The following CHD9 variants were observed in gnomAD, a reference collection of about 807,000 sequenced individuals.
The protein encoded by CHD9 is chromodomain helicase DNA binding protein 9.
CHD9 carries 77 observed loss-of-function variants against 316.1 expected under a neutral mutation model. The ratio of observed to expected loss-of-function variants is 0.24; its 90% CI spans 0.20 to 0.29. The LOEUF is 0.29. CHD9 is among the 10% of genes least tolerant of loss of function. The pLI is 1.00. For missense variants in CHD9, 2,763 were observed against 3,438.1 expected (o/e 0.80, Z 4.91); for synonymous variants, 1,129 against 1,158.3 (o/e 0.97, Z 0.51).
chr16:53,066,357 A>T (rs2033508208), intron 1 of CHD9, among the ~76,000 whole-genome samples: 1 of 152,202 alleles, frequency 6.6e-6, no homozygotes, highest in Admixed American at 6.5e-5. Flanking sequence ...AACATTGGTT[A>T]TGCTTAACTA....
rs78914148 is a variant in CHD9, at chr16:53,201,633, A to G, written c.1453-7849A>G. Among the ~76,000 whole-genome samples, 911 of 152,302 alleles carry G rather than the reference A, an allele frequency of 6.0e-3. 34 individuals carry two copies. In the East Asian group the frequency reaches 0.11, roughly 18 times the overall value. Reference sequence around the variant, plus strand: ...AAATTTTTAAATTTCTTTATTATATAGCATTTCAAGTGACACAGAAGTAGA... The same window carrying G: ...AAATTTTTAAATTTCTTTATTATATGGCATTTCAAGTGACACAGAAGTAGA... On this transcript the variant is annotated intron_variant, in intron 2 of 38. Coordinates refer to ENST00000447540, the MANE Select transcript of CHD9 (RefSeq NM_001308319.2).
intron 1 of CHD9, among the ~76,000 whole-genome samples, chr16:53,099,741 G>A (rs1440590155): frequency 6.6e-6 from 1 of 152,128 alleles, no homozygotes; most frequent in East Asian, 1.9e-4. Context: ...GCCCTTCCGA[G>A]AGCACCTTGA....
intron 27 of CHD9, among the ~76,000 whole-genome samples, chr16:53,288,903 T>G (rs2054106905): frequency 6.6e-6 from 1 of 151,692 alleles, no homozygotes; most frequent in Non-Finnish European, 1.5e-5. Flanking sequence ...GGATCAGTCC[T>G]TTACTGGTAA....
At chr16:53,260,146 GT>G (rs1194081301) in intron 19 of CHD9, among the ~76,000 whole-genome samples, 4 of 152,136 alleles carry the variant, frequency 2.6e-5, no homozygotes, top group Non-Finnish European at 5.9e-5. Flanking sequence ...TAGCTGTGTT[GT>G]TTTGTTTTAT....
intron 1 of CHD9, among the ~76,000 whole-genome samples, chr16:53,137,295 AAG>A (rs1157297751): frequency 6.6e-6 from 1 of 152,028 alleles, no homozygotes; most frequent in Non-Finnish European, 1.5e-5. Flanking sequence ...TCTATATAGG[AAG>A]AGTTTATTCA....
At chr16:53,180,733 C>T (rs1177442758) in intron 2 of CHD9, among the ~76,000 whole-genome samples, 2 of 151,490 alleles carry the variant, frequency 1.3e-5, no homozygotes, top group Non-Finnish European at 2.9e-5. Flanking sequence ...AGTGCAGTGG[C>T]GCGATCTCGG....
intron 19 of CHD9, among the ~76,000 whole-genome samples, chr16:53,256,524 T>G (rs1413539410): frequency 6.6e-6 from 1 of 151,270 alleles, no homozygotes; most frequent in Non-Finnish European, 1.5e-5. Flanking sequence ...GGTTTCGCCA[T>G]GTTAGCCAGT....
chr16:53,244,317 T>C (rs1018501820), intron 13 of CHD9, among the ~76,000 whole-genome samples: 1 of 151,470 alleles, frequency 6.6e-6, no homozygotes, highest in Admixed American at 6.6e-5. Context: ...CTCAGCCTCC[T>C]GAGTAGCTGG....
chr16:53,174,192 G>A (rs577217130), intron 2 of CHD9, among the ~76,000 whole-genome samples: 1 of 152,310 alleles, frequency 6.6e-6, no homozygotes, highest in African/African-American at 2.4e-5. Flanking sequence ...GCTGAGGTGA[G>A]AGGATCACTT....
At position 53,071,899 on chromosome 16, in the gene CHD9, T is replaced by C. The variant is rs562187947; in HGVS notation, c.-165+16822T>C. 9.9e-5 allele frequency among the ~76,000 whole-genome samples: 15 copies of C among 152,282 alleles called. No homozygotes were observed. The South Asian group carries it at 3.1e-3, about 32-fold the overall frequency. On this transcript the variant is annotated intron_variant, in intron 1 of 38. Transcript: ENST00000447540. ...TCAACGGCAGGCCTTTCCTCTTCTG[T>C]CACTCAACGGTTTGGGGGCTTTCTT...
Position 53,219,246 on chromosome 16 carries a change from A to G in CHD9, c.1785-3398A>G, listed in dbSNP as rs115887308. Among the ~76,000 whole-genome samples the G allele has an allele frequency of 3.9e-3, 595 of 152,276 alleles. 4 individuals carry two copies. Among genetic ancestry groups the G allele is most frequent in the African/African-American group, 0.014 (577 of 41,556 alleles). ...ATTGGGTGCATATTGAGGTTGTGAT[A>G]CCTATGAGATACCCATATGTATATG... On this transcript the variant is annotated intron_variant, in intron 3 of 38. Coordinates refer to ENST00000447540, the MANE Select transcript of CHD9 (RefSeq NM_001308319.2).
intron 1 of CHD9, among the ~76,000 whole-genome samples, chr16:53,098,471 G>T (rs1348568134): frequency 8.6e-6 from 1 of 116,444 alleles, no homozygotes; most frequent in African/African-American, 3.0e-5. Flanking sequence ...GTGAGACTCC[G>T]TCTCAAAAAA....
chr16:53,157,419 C>A lies in CHD9; in HGVS notation c.1330C>A (p.Leu444Met), dbSNP rs773008370. The A allele has an allele frequency of 6.2e-7, 1 of 1,614,016 alleles. No individual in the cohort carries two copies. The highest frequency in any genetic ancestry group is 1.1e-5 in the South Asian group (1 of 91,088). Reference sequence around the variant, plus strand: ...CCTTGATCGGCAGTTTACTTCGCATCTGGTAACACGGCCTTCTGATATGGC... The same window carrying A: ...CCTTGATCGGCAGTTTACTTCGCATATGGTAACACGGCCTTCTGATATGGC... ...HDLDRQFTSH[L>M]VTRPSDMAQT... The change falls in exon 2 of 39, where the codon CTG becomes ATG. Residue 444 changes from leucine to methionine, a missense_variant. By Grantham distance (15) the Leu-to-Met change is conservative (BLOSUM62 2). Around this residue, in one of 15 missense-constraint regions of CHD9, gnomAD observed 859 missense variants for 890.4 expected, o/e 0.96. Transcript: ENST00000447540.
chr16:53,142,793 T>G (rs1295292857), intron 1 of CHD9, among the ~76,000 whole-genome samples: 1 of 152,252 alleles, frequency 6.6e-6, no homozygotes, highest in Non-Finnish European at 1.5e-5. Context: ...TTAGTCCATT[T>G]TATGTTGCTA....
Position 53,307,743 on chromosome 16 carries a change from T to G in CHD9, c.6843T>G (p.Pro2281=), listed in dbSNP as rs2056112019. The part of the protein sequence containing the change: ...ICQTVLKGKW[P]SARRSYDANT... ...AAACAGTTCTGAAAGGAAAGTGGCC[T>G]TCAGCTAGAAGAAGTTATGATGCTA... is the stretch of plus-strand genomic sequence containing the variant. Residue 2281 remains proline (P), a synonymous_variant, in exon 33 of 39, where the codon CCT becomes CCG. Transcript: ENST00000447540. 6.2e-7 allele frequency: 1 copy of G among 1,612,506 alleles called. No individual in the cohort carries two copies. Among genetic ancestry groups the G allele is most frequent in the South Asian group, 1.1e-5 (1 of 90,710 alleles).
chr16:53,067,447 C>CT (rs571759798), intron 1 of CHD9, among the ~76,000 whole-genome samples: 3 of 151,450 alleles, frequency 2.0e-5, no homozygotes, highest in Non-Finnish European at 2.9e-5. Context: ...ACATTTATAT[C>CT]TTTTTTTTTA....
At position 53,157,403 on chromosome 16, in the gene CHD9, G is replaced by T. The variant is rs1188582280; in HGVS notation, c.1314G>T (p.Arg438=). Residue 438 remains arginine (R), a synonymous_variant, in exon 2 of 39, where the codon CGG becomes CGT. Transcript: ENST00000447540. ...SSHILDHDLD[R]QFTSHLVTRP... The stretch of plus-strand genomic sequence containing the variant: ...ACATTTTAGATCATGACCTTGATCG[G>T]CAGTTTACTTCGCATCTGGTAACAC... 1 of 1,613,858 alleles carries T rather than the reference G, an allele frequency of 6.2e-7. No homozygotes were observed. Among genetic ancestry groups the T allele is most frequent in the Admixed American group, 1.7e-5 (1 of 59,996 alleles).
intron 2 of CHD9, among the ~76,000 whole-genome samples, chr16:53,163,846 T>C (rs553336254): frequency 2.0e-5 from 3 of 152,224 alleles, no homozygotes; most frequent in Non-Finnish European, 4.4e-5. Flanking sequence ...GTAAGACATA[T>C]AGCATTTACA....
intron 3 of CHD9, among the ~76,000 whole-genome samples, chr16:53,210,952 C>T (rs949951471): frequency 1.3e-5 from 2 of 151,976 alleles, no homozygotes; most frequent in Admixed American, 1.3e-4. Context: ...AAGATTTCTA[C>T]TTCTTTTATT....
Sources: gnomAD v4.1 joint callset for allele counts (sites outside exome capture counted in the v4.1 genomes callset) on GRCh38, gnomAD v4.1.1 for gene constraint, gnomAD v4.1.1 regional missense constraint, MANE v1.5 for transcripts, NCBI Gene and HGNC (gene_info 2026-07-23, HGNC 2026-07-21) for gene names.